The following ELOVL7 variants were observed in gnomAD, a reference collection of about 807,000 sequenced individuals.
ELOVL7 encodes ELOVL fatty acid elongase 7.
A neutral mutation model predicts 35.7 loss-of-function variants in ELOVL7; 27 were observed. That is an observed-to-expected ratio of 0.76 (90% confidence interval 0.56 to 1.04). The LOEUF (loss-of-function observed/expected upper bound fraction) is 1.04, where lower values mean the gene tolerates loss of function less well. Ranked by LOEUF, ELOVL7 falls within the 50% of genes least tolerant of loss-of-function variation. The pLI, the probability that ELOVL7 is intolerant of heterozygous loss-of-function variation, is 0.00. For missense variants in ELOVL7, 327 were observed against 340.8 expected (o/e 0.96, Z 0.32); for synonymous variants, 113 against 114.6 (o/e 0.99, Z 0.09).
intron 1 of ELOVL7, among the ~76,000 whole-genome samples, chr5:60,812,337 T>C (rs1479677506): frequency 6.6e-6 from 1 of 152,104 alleles, no homozygotes; most frequent in Non-Finnish European, 1.5e-5. Context: ...AGTTTGACAA[T>C]AGAGAACCAA....
intron 3 of ELOVL7, among the ~76,000 whole-genome samples, chr5:60,780,906 A>T (rs1055392562): frequency 3.3e-5 from 5 of 152,092 alleles, no homozygotes; most frequent in African/African-American, 9.7e-5. Context: ...CTAATGAAAT[A>T]AAAAACTAAT....
chr5:60,778,041 T>A (rs544406373), intron 3 of ELOVL7, among the ~76,000 whole-genome samples: 1 of 152,338 alleles, frequency 6.6e-6, no homozygotes, highest in East Asian at 1.9e-4. Flanking sequence ...CATATTAAGA[T>A]TTGTCACAGT....
chr5:60,768,955 GAAT>G (rs1439500721), intron 4 of ELOVL7, among the ~76,000 whole-genome samples: 1 of 152,114 alleles, frequency 6.6e-6, no homozygotes, highest in African/African-American at 2.4e-5. Flanking sequence ...GGCATTGTCA[GAAT>G]AATATTCTGA....
intron 2 of ELOVL7, among the ~76,000 whole-genome samples, chr5:60,795,143 A>G (rs1447024998): frequency 6.6e-6 from 1 of 152,212 alleles, no homozygotes; most frequent in Non-Finnish European, 1.5e-5. Context: ...GTGACTGATT[A>G]GATAGGGACA....
At chr5:60,755,120 C>T (rs1273368027) in intron 8 of ELOVL7, among the ~76,000 whole-genome samples, 1 of 152,200 alleles carries the variant, frequency 6.6e-6, no homozygotes, top group Non-Finnish European at 1.5e-5. Flanking sequence ...CTCAGAGAAT[C>T]AACAGAGCAG....
intron 2 of ELOVL7, 74 bp from the exon 3 acceptor site, chr5:60,787,505 A>G: frequency 1.2e-6 from 1 of 807,116 alleles, no homozygotes; most frequent in Non-Finnish European, 1.9e-6. Context: ...GTAATACATT[A>G]TTTAAAATGC....
intron 7 of ELOVL7, among the ~76,000 whole-genome samples, chr5:60,763,442 A>G (rs1414178684): frequency 6.6e-6 from 1 of 152,232 alleles, no homozygotes; most frequent in Non-Finnish European, 1.5e-5. Flanking sequence ...GAGGCAAGCT[A>G]TTCACAGAAA....
At chr5:60,760,770 T>TATAGCATA (rs1741861732) in intron 7 of ELOVL7, among the ~76,000 whole-genome samples, 1 of 152,196 alleles carries the variant, frequency 6.6e-6, no homozygotes, top group Non-Finnish European at 1.5e-5. Flanking sequence ...TTCATGGTTT[T>TATAGCATA]AGATCTAATG....
intron 2 of ELOVL7, among the ~76,000 whole-genome samples, chr5:60,790,161 CAAAG>C (rs1743844773): frequency 6.6e-6 from 1 of 151,546 alleles, no homozygotes; most frequent in South Asian, 2.1e-4. Flanking sequence ...AAGAAAAAAA[CAAAG>C]AAAGTACAAA....
At chr5:60,805,062 G>A (rs1178845656) in intron 1 of ELOVL7, among the ~76,000 whole-genome samples, 1 of 152,200 alleles carries the variant, frequency 6.6e-6, no homozygotes, top group Non-Finnish European at 1.5e-5. Context: ...GTATCCACAT[G>A]TGACCTAGAA....
intron 7 of ELOVL7, 23 bp from the exon 8 acceptor site, chr5:60,757,668 C>G (rs1367849232): frequency 2.6e-6 from 4 of 1,532,012 alleles, no homozygotes; most frequent in Non-Finnish European, 3.5e-6. Context: ...ATTATTGTAA[C>G]ATGGGGCCAT....
At chr5:60,837,315 T>TGGG (rs1227317155) in intron 1 of ELOVL7, among the ~76,000 whole-genome samples, 575 of 24,478 alleles carry the variant, frequency 0.023, 19 homozygotes, top group Middle Eastern at 0.062. Context: ...GGCGGGGGGG[T>TGGG]GGGGGGGGAG....
chr5:60,795,865 G>T (rs1027824658), intron 2 of ELOVL7, among the ~76,000 whole-genome samples: 2 of 152,110 alleles, frequency 1.3e-5, no homozygotes, highest in Non-Finnish European at 1.5e-5. Flanking sequence ...AACACTCACC[G>T]CATGGCCCAA....
At chr5:60,811,065 T>C (rs1745212682) in intron 1 of ELOVL7, among the ~76,000 whole-genome samples, 1 of 152,230 alleles carries the variant, frequency 6.6e-6, no homozygotes, top group Non-Finnish European at 1.5e-5. Flanking sequence ...TTTGTGCTTC[T>C]GCCCTTTACT....
chr5:60,795,893 T>A (rs566036209), intron 2 of ELOVL7, among the ~76,000 whole-genome samples: 93 of 152,346 alleles, frequency 6.1e-4, no homozygotes, highest in Admixed American at 2.0e-3. Context: ...TTCCTTGGAA[T>A]CTGTGAGGCC....
chr5:60,828,503 T>G (rs1272823953), intron 1 of ELOVL7, among the ~76,000 whole-genome samples: 1 of 152,136 alleles, frequency 6.6e-6, no homozygotes, highest in Non-Finnish European at 1.5e-5. Context: ...GAAAAATATA[T>G]TAACTGTATC....
intron 3 of ELOVL7, among the ~76,000 whole-genome samples, chr5:60,781,611 C>T (rs1743260523): frequency 6.6e-6 from 1 of 152,164 alleles, no homozygotes. Flanking sequence ...TTTCAGCACA[C>T]ACCTTAAGTC....
rs1018391631 is a variant in ELOVL7, at chr5:60,766,557, G to C, written c.393+17C>G. Reference sequence around the variant, plus strand: ...TTAAGATCAAACATTTACCAAATGTGGTGGCCATATACTCACCGTATCTAA... The same window carrying C: ...TTAAGATCAAACATTTACCAAATGTCGTGGCCATATACTCACCGTATCTAA... On this transcript the variant is annotated intron_variant, in intron 6 of 8. Coordinates refer to ENST00000508821, the MANE Select transcript of ELOVL7 (RefSeq NM_024930.3). 3 of 1,580,686 alleles carry C rather than the reference G, an allele frequency of 1.9e-6. No individual in the cohort carries two copies. The African/African-American group carries it at 4.1e-5, about 21-fold the overall frequency.
intron 1 of ELOVL7, among the ~76,000 whole-genome samples, chr5:60,803,401 G>C (rs1744755045): frequency 1.3e-5 from 2 of 152,224 alleles, no homozygotes; most frequent in African/African-American, 4.8e-5. Context: ...CTGACAGCCT[G>C]AGCCTATCCA....
Sources: gnomAD v4.1 joint callset for allele counts (sites outside exome capture counted in the v4.1 genomes callset) on GRCh38, gnomAD v4.1.1 for gene constraint, MANE v1.5 for transcripts, NCBI Gene and HGNC (gene_info 2026-07-23, HGNC 2026-07-21) for gene names.